The following ENTREP2 variants were observed in gnomAD, a reference collection of about 807,000 sequenced individuals.
The protein encoded by ENTREP2 is protein ENTREP2.
chr15:29,137,215 CAG>C, the ENTREP2 span: 3 of 1,462,262 alleles, frequency 2.1e-6, no homozygotes, highest in Non-Finnish European at 2.7e-6. Flanking sequence ...GAGACAACCA[CAG>C]AGTTATCTGG....
the ENTREP2 span, among the ~76,000 whole-genome samples, chr15:29,622,258 G>T: frequency 6.6e-6 from 1 of 151,964 alleles, no homozygotes; most frequent in Admixed American, 6.6e-5. Context: ...CCAGGCTGGG[G>T]GCAATGGCAT....
chr15:29,634,573 C>A, the ENTREP2 span, among the ~76,000 whole-genome samples: 1 of 152,254 alleles, frequency 6.6e-6, no homozygotes, highest in African/African-American at 2.4e-5. Flanking sequence ...GCAGTGGACA[C>A]CAGCTGGGTA....
chr15:29,316,035 A>C, the ENTREP2 span, among the ~76,000 whole-genome samples: 4,204 of 152,208 alleles, frequency 0.028, 215 homozygotes, highest in African/African-American at 0.095. Flanking sequence ...CAAACAGGAC[A>C]GAAATGATAA....
chr15:29,500,757 CCAAA>C, the ENTREP2 span, among the ~76,000 whole-genome samples: 3 of 151,686 alleles, frequency 2.0e-5, no homozygotes, highest in African/African-American at 4.8e-5. Context: ...GAGATTGGAG[CCAAA>C]CAGAGAACAG....
the ENTREP2 span, among the ~76,000 whole-genome samples, chr15:29,462,835 C>T: frequency 2.6e-5 from 4 of 152,008 alleles, no homozygotes; most frequent in African/African-American, 9.7e-5. Context: ...AAAAGAAATC[C>T]CACCAGTGAG....
chr15:29,446,666 A>C, the ENTREP2 span, among the ~76,000 whole-genome samples: 75 of 152,296 alleles, frequency 4.9e-4, no homozygotes, highest in Non-Finnish European at 5.7e-4. Context: ...AAATTACCTC[A>C]AAGTCAGCAG....
the ENTREP2 span, among the ~76,000 whole-genome samples, chr15:29,235,366 T>C: frequency 7.2e-5 from 11 of 152,368 alleles, 1 homozygote; most frequent in South Asian, 2.3e-3. Flanking sequence ...GTGGTTGCCT[T>C]CTATTGTCTT....
At chr15:29,611,195 A>G in the ENTREP2 span, 3 of 151,976 alleles carry the variant, frequency 2.0e-5, no homozygotes, top group African/African-American at 7.3e-5. Flanking sequence ...AAACTCCCCC[A>G]GTCCCTAGCC....
At chr15:29,546,297 G>A in the ENTREP2 span, among the ~76,000 whole-genome samples, 3 of 152,170 alleles carry the variant, frequency 2.0e-5, no homozygotes, top group African/African-American at 7.2e-5. Flanking sequence ...AACATCTGCA[G>A]ACCCTGAGAA....
the ENTREP2 span, among the ~76,000 whole-genome samples, chr15:29,378,253 T>G: frequency 6.6e-6 from 1 of 151,750 alleles, no homozygotes; most frequent in African/African-American, 2.4e-5. Context: ...TTGCCAGGAC[T>G]GTTGTGAGGA....
the ENTREP2 span, among the ~76,000 whole-genome samples, chr15:29,649,283 T>C: frequency 1.7e-3 from 260 of 152,202 alleles, 4 homozygotes; most frequent in African/African-American, 5.8e-3. Context: ...GTGATGGGAG[T>C]GCATTGGCAG....
the ENTREP2 span, among the ~76,000 whole-genome samples, chr15:29,300,930 A>G: frequency 6.6e-6 from 1 of 152,218 alleles, no homozygotes; most frequent in African/African-American, 2.4e-5. Context: ...TTTTATTTCC[A>G]TTTAAAAAAT....
At chr15:29,129,784 G>A in the ENTREP2 span, among the ~76,000 whole-genome samples, 1 of 152,168 alleles carries the variant, frequency 6.6e-6, no homozygotes. Flanking sequence ...CCACCTCAGA[G>A]GGCATCAGGG....
chr15:29,568,710 CAAAAAAAAAAAAAAA>C, the ENTREP2 span, among the ~76,000 whole-genome samples: 62 of 128,054 alleles, frequency 4.8e-4, no homozygotes, highest in Non-Finnish European at 4.6e-4. Context: ...CCTCTTAAGG[CAAAAAAAAAAAAAAA>C]AAAAAAAAAA....
chr15:29,604,340 T>G, the ENTREP2 span, among the ~76,000 whole-genome samples: 1 of 152,212 alleles, frequency 6.6e-6, no homozygotes, highest in African/African-American at 2.4e-5. Context: ...GGTACAATCT[T>G]CGGTGATGGT....
chr15:29,371,838 T>C, the ENTREP2 span, among the ~76,000 whole-genome samples: 2 of 151,334 alleles, frequency 1.3e-5, no homozygotes, highest in Non-Finnish European at 2.9e-5. Flanking sequence ...ATGTTAAGAA[T>C]CCCATAGGAT....
At chr15:29,387,729 G>A in the ENTREP2 span, among the ~76,000 whole-genome samples, 5 of 152,220 alleles carry the variant, frequency 3.3e-5, no homozygotes, top group South Asian at 1.0e-3. Context: ...ATACTACAAG[G>A]CTACAGTAAC....
chr15:29,664,654 C>A, the ENTREP2 span, among the ~76,000 whole-genome samples: 850 of 152,216 alleles, frequency 5.6e-3, 9 homozygotes, highest in African/African-American at 0.019. Context: ...GGGACCTGGG[C>A]AGACTCCCTA....
At chr15:29,568,964 G>A in the ENTREP2 span, among the ~76,000 whole-genome samples, 1,587 of 152,280 alleles carry the variant, frequency 0.01, 33 homozygotes, top group African/African-American at 0.036. Flanking sequence ...GGAAGGGCGG[G>A]CTCAGGGAGG....
Sources: gnomAD v4.1 joint callset for allele counts (sites outside exome capture counted in the v4.1 genomes callset) on GRCh38, gnomAD v4.1.1 for gene constraint, MANE v1.5 for transcripts, NCBI Gene and HGNC (gene_info 2026-07-23, HGNC 2026-07-21) for gene names.